The following RAPGEF4 variants were observed in gnomAD, a reference collection of about 807,000 sequenced individuals.
The protein encoded by RAPGEF4 is RAP guanine-nucleotide-exchange factor (GEF) 4.
Under a neutral mutation model 147.9 loss-of-function variants are expected in RAPGEF4, and 66 were observed. That is an observed-to-expected ratio of 0.45 (90% CI 0.37 to 0.55). RAPGEF4 has a LOEUF of 0.55. Among genes scored for constraint, RAPGEF4 ranks in the 20% least tolerant of loss-of-function variants. The pLI, the probability that RAPGEF4 is intolerant of heterozygous loss-of-function variation, is 0.00. For synonymous variants in RAPGEF4, 419 were observed against 442.7 expected, an observed-to-expected ratio of 0.95 and a Z score of 0.67; for missense variants, 1,071 against 1,257.3, an observed-to-expected ratio of 0.85 and a Z score of 2.24.
chr2:172,980,367 T>C (rs1350615715), intron 10 of RAPGEF4, among the ~76,000 whole-genome samples: 1 of 152,100 alleles, frequency 6.6e-6, no homozygotes, highest in Non-Finnish European at 1.5e-5. Context: ...GAGAACAAGA[T>C]TTAGGTCTTG....
intron 2 of RAPGEF4, 21 bp downstream of exon 2, chr2:172,795,188 A>T: frequency 6.3e-7 from 1 of 1,576,162 alleles, no homozygotes; most frequent in Non-Finnish European, 8.7e-7. Context: ...CAACTCTTGT[A>T]GTATATTTCC....
intron 1 of RAPGEF4, among the ~76,000 whole-genome samples, chr2:172,780,664 A>T (rs1684600614): frequency 6.6e-6 from 1 of 152,130 alleles, no homozygotes; most frequent in South Asian, 2.1e-4. Flanking sequence ...CTGCTCTTCA[A>T]TACCTTGGAT....
At chr2:172,984,447 G>T (rs1295346956) in intron 11 of RAPGEF4, among the ~76,000 whole-genome samples, 3 of 152,268 alleles carry the variant, frequency 2.0e-5, no homozygotes, top group Middle Eastern at 6.8e-3. Flanking sequence ...CCAAGCAAGA[G>T]GGCTTCAAGT....
At chr2:172,889,221 A>G (rs1697598450) in intron 4 of RAPGEF4, among the ~76,000 whole-genome samples, 1 of 151,978 alleles carries the variant, frequency 6.6e-6, no homozygotes, top group African/African-American at 2.4e-5. Flanking sequence ...TTTCCTTACT[A>G]AAGAGCTGGA....
chr2:172,827,991 C>T (rs966828366), intron 4 of RAPGEF4, among the ~76,000 whole-genome samples: 1 of 149,458 alleles, frequency 6.7e-6, no homozygotes, highest in South Asian at 2.1e-4. Flanking sequence ...TTGATGCACA[C>T]TTTTTTTTTT....
chr2:172,961,233 G>A lies in RAPGEF4; in HGVS notation c.698+5G>A. 6.4e-7 allele frequency: 1 copy of A among 1,559,208 alleles called. No homozygotes were observed. Among genetic ancestry groups the A allele is most frequent in the Non-Finnish European group, 8.8e-7 (1 of 1,130,234 alleles). On this transcript the variant is annotated splice_donor_5th_base_variant and intron_variant, in intron 8 of 30. Transcript: ENST00000397081. ...ATACCACCTAAAGACATACAGGTAT[G>A]TGTGCTAATTCTAAAGGCTGTGCCC...
chr2:172,816,823 G>A (rs1371422972), intron 4 of RAPGEF4, among the ~76,000 whole-genome samples: 1 of 152,076 alleles, frequency 6.6e-6, no homozygotes, highest in African/African-American at 2.4e-5. Context: ...TACAGGGTGG[G>A]GACTGAAATC....
At chr2:172,857,197 C>T (rs1455773339) in intron 4 of RAPGEF4, among the ~76,000 whole-genome samples, 1 of 152,108 alleles carries the variant, frequency 6.6e-6, no homozygotes. Flanking sequence ...CACACACACA[C>T]ACACAGAGCG....
intron 4 of RAPGEF4, chr2:172,821,487 A>G: frequency 1.3e-6 from 1 of 762,132 alleles, no homozygotes; most frequent in Non-Finnish European, 1.6e-6. Flanking sequence ...AGAAAAATAT[A>G]TCCAAAAATA....
In RAPGEF4 at chr2:172,831,489, G is replaced by A. The variant is rs376199464; in HGVS notation, c.444+17064G>A. Among the ~76,000 whole-genome samples, 40 of 151,702 alleles carry A rather than the reference G, an allele frequency of 2.6e-4. 1 individual carries two copies. The South Asian group carries it at 7.9e-3, about 30-fold the overall frequency. Reference sequence around the variant, plus strand: ...TCACCATGTTGGCCAGGTTGGTCTCGAACCCCTGATCTCAGGTGATCCACC... The same window carrying A: ...TCACCATGTTGGCCAGGTTGGTCTCAAACCCCTGATCTCAGGTGATCCACC... On this transcript the variant is annotated intron_variant, in intron 4 of 30. Coordinates refer to ENST00000397081, the MANE Select transcript of RAPGEF4 (RefSeq NM_007023.4).
At chr2:172,791,516 A>G (rs1186768055) in intron 1 of RAPGEF4, among the ~76,000 whole-genome samples, 1 of 152,194 alleles carries the variant, frequency 6.6e-6, no homozygotes, top group Non-Finnish European at 1.5e-5. Context: ...CAGAGATCGA[A>G]TAGTAAAGGT....
Position 172,975,021 on chromosome 2 carries a change from T to A in RAPGEF4, c.1004+7577T>A, listed in dbSNP as rs1575418938. Among the ~76,000 whole-genome samples the A allele has an allele frequency of 2.0e-5, 3 of 152,342 alleles. No homozygotes were observed. The South Asian group carries it at 6.2e-4, about 32-fold the overall frequency. ...GAAATGAAGTGCTTTATAGTTTTAA[T>A]TGCCATATGATTAGGGTTGCCAGGT... On this transcript the variant is annotated intron_variant, in intron 10 of 30. Coordinates refer to ENST00000397081, the MANE Select transcript of RAPGEF4 (RefSeq NM_007023.4).
chr2:172,812,319 C>G (rs1454507774), intron 3 of RAPGEF4, among the ~76,000 whole-genome samples: 3 of 152,086 alleles, frequency 2.0e-5, no homozygotes, highest in South Asian at 2.1e-4. Context: ...CATGGTTTTC[C>G]CCTTACAGAG....
intron 4 of RAPGEF4, among the ~76,000 whole-genome samples, chr2:172,888,270 T>G (rs545871888): frequency 6.6e-6 from 1 of 152,290 alleles, no homozygotes; most frequent in East Asian, 1.9e-4. Context: ...TTCTTTCACC[T>G]CCCAGATGGG....
chr2:172,968,021 G>A (rs958597838), intron 10 of RAPGEF4, among the ~76,000 whole-genome samples: 5 of 152,172 alleles, frequency 3.3e-5, no homozygotes, highest in African/African-American at 9.7e-5. Context: ...ACCTTCAGGA[G>A]CAGGCCACCA....
chr2:173,001,571 C>T (rs935677436), intron 17 of RAPGEF4, among the ~76,000 whole-genome samples: 5 of 152,156 alleles, frequency 3.3e-5, no homozygotes, highest in Admixed American at 2.0e-4. Flanking sequence ...AGGATTTCCT[C>T]CTTGTTACCT....
At chr2:172,925,390 T>C (rs1559124190) in intron 6 of RAPGEF4, among the ~76,000 whole-genome samples, 1 of 152,198 alleles carries the variant, frequency 6.6e-6, no homozygotes, top group Non-Finnish European at 1.5e-5. Context: ...AAAAATAAAT[T>C]CCTTTTCATA....
At chr2:173,007,177 G>A (rs758976864) in intron 17 of RAPGEF4, among the ~76,000 whole-genome samples, 1 of 149,540 alleles carries the variant, frequency 6.7e-6, no homozygotes, top group Non-Finnish European at 1.5e-5. Context: ...TTGAACCCAA[G>A]CAGTGTATTG....
At chr2:173,016,320 T>TA in intron 18 of RAPGEF4, 29 bp from the exon 19 acceptor site, 1 of 1,519,598 alleles carries the variant, frequency 6.6e-7, no homozygotes, top group Non-Finnish European at 9.1e-7. Context: ...CAGTTCTTGT[T>TA]AAAAGCCTGT....
Sources: gnomAD v4.1 joint callset for allele counts (sites outside exome capture counted in the v4.1 genomes callset) on GRCh38, gnomAD v4.1.1 for gene constraint, MANE v1.5 for transcripts, NCBI Gene and HGNC (gene_info 2026-07-23, HGNC 2026-07-21) for gene names.